SFXN1: variants seen among roughly 807,000 people sequenced by gnomAD.
SFXN1 encodes the protein sideroflexin-1.
SFXN1 carries 32 observed loss-of-function variants against 39.5 expected under a neutral mutation model. The ratio of observed to expected loss-of-function variants is 0.81; its 90% confidence interval spans 0.61 to 1.09. SFXN1 has a LOEUF of 1.09. Ranked by LOEUF, SFXN1 falls within the 50% of genes least tolerant of loss-of-function variation. The probability of loss-of-function intolerance (pLI) is 0.00; values close to 1 mark genes in which losing one functional copy is unlikely to be tolerated. For missense variants in SFXN1, 402 were observed against 407.1 expected (o/e 0.99, Z 0.11); for synonymous variants, 136 against 146.5 (o/e 0.93, Z 0.52).
At chr5:175,482,428 G>A (rs1486534693) in intron 1 of SFXN1, among the ~76,000 whole-genome samples, 6 of 152,066 alleles carry the variant, frequency 3.9e-5, no homozygotes, top group Non-Finnish European at 8.8e-5. Context: ...CAGCAGTTAA[G>A]CATTTTCTTA....
intron 5 of SFXN1, 23 bp from the exon 6 acceptor site, chr5:175,512,088 T>A: frequency 6.2e-7 from 1 of 1,604,280 alleles, no homozygotes; most frequent in Non-Finnish European, 8.5e-7. Flanking sequence ...AAGATAAAGC[T>A]CTTGAAATTT....
chr5:175,507,992 A>AG (rs879604357), intron 2 of SFXN1, among the ~76,000 whole-genome samples: 5 of 146,254 alleles, frequency 3.4e-5, no homozygotes, highest in Non-Finnish European at 7.7e-5. Flanking sequence ...AAAAAAAAAA[A>AG]TTCTTCCTGA....
At chr5:175,526,130 T>G (rs1761051143) in intron 10 of SFXN1, among the ~76,000 whole-genome samples, 1 of 151,882 alleles carries the variant, frequency 6.6e-6, no homozygotes, top group Non-Finnish European at 1.5e-5. Flanking sequence ...TTTGGTTTTT[T>G]TTTTTTTTTT....
intron 5 of SFXN1, among the ~76,000 whole-genome samples, chr5:175,511,860 TCTCC>T (rs775678082): frequency 0.025 from 3,789 of 150,662 alleles, 131 homozygotes; most frequent in African/African-American, 0.084. Context: ...TCTCTCTCTC[TCTCC>T]CCACTCCAAA....
Position 175,513,544 on chromosome 5 carries a change from C to T in SFXN1, c.678C>T (p.Ile226=). Residue 226 remains isoleucine (I), a synonymous_variant, in exon 7 of 11, where the codon ATC becomes ATT. Coordinates refer to ENST00000321442, the MANE Select transcript of SFXN1 (RefSeq NM_022754.7). ...CGGCGAACGCTGCGAAACAAGCCAT[C>T]ACGCAAGTTGTCGTGTCCAGGATTC... ...GESANAAKQA[I]TQVVVSRILM... 1 of 1,613,956 alleles carries T rather than the reference C, an allele frequency of 6.2e-7. No homozygotes were observed. The highest frequency in any genetic ancestry group is 2.2e-5 in the East Asian group (1 of 44,858).
chr5:175,514,945 T>G (rs560423009), intron 7 of SFXN1, among the ~76,000 whole-genome samples: 1 of 152,224 alleles, frequency 6.6e-6, no homozygotes, highest in Non-Finnish European at 1.5e-5. Context: ...GTGTTCCTAC[T>G]GAGCCCTGAT....
rs6875679 is a variant in SFXN1, at chr5:175,488,542, G to T, written c.-9-3553G>T. Among the ~76,000 whole-genome samples, 578 of 152,050 alleles carry T rather than the reference G, an allele frequency of 3.8e-3. 2 individuals carry two copies. The highest frequency in any genetic ancestry group is 0.013 in the African/African-American group (553 of 41,472). On this transcript the variant is annotated intron_variant, in intron 1 of 10. Coordinates refer to ENST00000321442, the MANE Select transcript of SFXN1 (RefSeq NM_022754.7). Reference sequence around the variant, plus strand: ...TCGAACTCCTGACCTCAGGTGATCCGCCCGCCTCGGCCTTCCAAAGTGCTG... The same window carrying T: ...TCGAACTCCTGACCTCAGGTGATCCTCCCGCCTCGGCCTTCCAAAGTGCTG...
chr5:175,510,660 T>G (rs1216915094), intron 4 of SFXN1, among the ~76,000 whole-genome samples: 2 of 152,180 alleles, frequency 1.3e-5, no homozygotes, highest in African/African-American at 4.8e-5. Context: ...ACTTTATATC[T>G]GATATGTTTT....
intron 2 of SFXN1, among the ~76,000 whole-genome samples, chr5:175,495,970 G>A (rs1354228138): frequency 4.1e-5 from 6 of 145,514 alleles, no homozygotes; most frequent in African/African-American, 1.3e-4. Flanking sequence ...GCGCAATCTC[G>A]GCTCACAGCA....
intron 2 of SFXN1, among the ~76,000 whole-genome samples, chr5:175,504,263 A>G (rs1760203637): frequency 6.6e-6 from 1 of 151,886 alleles, no homozygotes; most frequent in South Asian, 2.1e-4. Flanking sequence ...TTTTTTTTCC[A>G]TAATGTATGT....
chr5:175,524,119 A>C (rs1581332469), intron 10 of SFXN1: 2 of 38,636 alleles, frequency 5.2e-5, no homozygotes, highest in Admixed American at 3.6e-4. Context: ...AAAAAAAAAA[A>C]AAAAAAATAT....
At chr5:175,525,191 A>G (rs1459647295) in intron 10 of SFXN1, among the ~76,000 whole-genome samples, 2 of 152,224 alleles carry the variant, frequency 1.3e-5, no homozygotes, top group African/African-American at 4.8e-5. Flanking sequence ...ACATACATTC[A>G]TAGTAATTAC....
chr5:175,481,288 T>G (rs1759239018), intron 1 of SFXN1, among the ~76,000 whole-genome samples: 1 of 152,112 alleles, frequency 6.6e-6, no homozygotes, highest in Non-Finnish European at 1.5e-5. Flanking sequence ...TGAGCAATGG[T>G]TGTAATGTTA....
At chr5:175,516,809 A>T in intron 8 of SFXN1, 146 bp downstream of exon 8, 1 of 745,844 alleles carries the variant, frequency 1.3e-6, no homozygotes, top group Non-Finnish European at 2.1e-6. Context: ...TGTTCCCAGG[A>T]AGATTTTATT....
At chr5:175,490,906 G>T (rs1307672120) in intron 1 of SFXN1, among the ~76,000 whole-genome samples, 5 of 152,078 alleles carry the variant, frequency 3.3e-5, no homozygotes, top group African/African-American at 1.2e-4. Flanking sequence ...TTTTTAAATT[G>T]TATAATAACA....
At chr5:175,487,051 A>G (rs566355169) in intron 1 of SFXN1, among the ~76,000 whole-genome samples, 2 of 152,290 alleles carry the variant, frequency 1.3e-5, no homozygotes, top group South Asian at 4.2e-4. Flanking sequence ...TCACCGGGGA[A>G]CATCACAGAT....
At chr5:175,510,732 TA>T (rs138547965) in intron 4 of SFXN1, among the ~76,000 whole-genome samples, 1,644 of 149,682 alleles carry the variant, frequency 0.011, 35 homozygotes, top group African/African-American at 0.038. Flanking sequence ...TGTCACCTGT[TA>T]AAAAAAAAAT....
At chr5:175,487,556 A>C (rs1005180287) in intron 1 of SFXN1, among the ~76,000 whole-genome samples, 4 of 152,068 alleles carry the variant, frequency 2.6e-5, no homozygotes, top group Non-Finnish European at 5.9e-5. Flanking sequence ...TCCCCAGCCC[A>C]CTTTGCTGTG....
At chr5:175,484,509 C>T (rs1321479409) in intron 1 of SFXN1, among the ~76,000 whole-genome samples, 1 of 152,218 alleles carries the variant, frequency 6.6e-6, no homozygotes, top group Admixed American at 6.6e-5. Context: ...CGGAATGCTG[C>T]GGACCAACCA....
Sources: gnomAD v4.1 joint callset for allele counts (sites outside exome capture counted in the v4.1 genomes callset) on GRCh38, gnomAD v4.1.1 for gene constraint, MANE v1.5 for transcripts, NCBI Gene and HGNC (gene_info 2026-07-23, HGNC 2026-07-21) for gene names.